Variants in DDAH1 observed in about 807,000 individuals in gnomAD.
The protein encoded by DDAH1 is dimethylarginine dimethylaminohydrolase 1.
DDAH1 carries 19 observed loss-of-function variants against 28.8 expected under a neutral mutation model. The observed-to-expected ratio is 0.66, with a 90% confidence interval of 0.46 to 0.97. The LOEUF (loss-of-function observed/expected upper bound fraction) is 0.97, where lower values mean the gene tolerates loss of function less well. Ranked by LOEUF, DDAH1 falls within the 50% of genes least tolerant of loss-of-function variation. The pLI is 0.00. For synonymous variants in DDAH1, 153 were observed against 154.4 expected, an observed-to-expected ratio of 0.99 and a Z score of 0.07; for missense variants, 326 against 375.9, an observed-to-expected ratio of 0.87 and a Z score of 1.10.
In DDAH1 at chr1:85,464,868, G is replaced by A; in HGVS notation, c.178C>T (p.Leu60=). ...YVGVLGSKLG[L]QVVELPADES... ...TCGGCCGGCAGCTCCACCACCTGCA[G>A]CCCCAGCTTGCTGCCCAGCACGCCC... Residue 60 remains leucine (L), a synonymous_variant, in exon 1 of 6, where the codon CTG becomes TTG. Transcript: ENST00000284031. The surrounding 1 kb of genome is among the most constrained non-coding windows in gnomAD (Gnocchi z 4.4). 6.3e-7 allele frequency: 1 copy of A among 1,584,592 alleles called. No homozygotes were observed. The highest frequency in any genetic ancestry group is 2.3e-5 in the East Asian group (1 of 42,774).
chr1:85,522,446 T>A (rs1163783926), intron 1 of DDAH1, among the ~76,000 whole-genome samples: 2 of 135,822 alleles, frequency 1.5e-5, no homozygotes, highest in African/African-American at 5.6e-5. Context: ...TTCCAAATGC[T>A]AATTCTGCCT....
At chr1:85,426,261 T>C (rs1653391496) in intron 1 of DDAH1, among the ~76,000 whole-genome samples, 1 of 152,238 alleles carries the variant, frequency 6.6e-6, no homozygotes, top group Admixed American at 6.5e-5. Flanking sequence ...GTAGTATCAC[T>C]AGGCCTCAAT....
At chr1:85,454,542 C>T (rs1436272322) in intron 1 of DDAH1, among the ~76,000 whole-genome samples, 1 of 152,172 alleles carries the variant, frequency 6.6e-6, no homozygotes, top group Non-Finnish European at 1.5e-5. Flanking sequence ...AAAGGGGATG[C>T]GGTCGATTTT....
intron 1 of DDAH1, among the ~76,000 whole-genome samples, chr1:85,560,963 T>A (rs913643672): frequency 1.3e-5 from 2 of 152,106 alleles, no homozygotes; most frequent in Non-Finnish European, 2.9e-5. Context: ...AAAATGTATG[T>A]TCTTTGTGTA....
chr1:85,436,567 G>A (rs1653953964), intron 1 of DDAH1, among the ~76,000 whole-genome samples: 1 of 152,198 alleles, frequency 6.6e-6, no homozygotes. Flanking sequence ...AGTCAGAGCT[G>A]GCTCAGGCAC....
intron 1 of DDAH1, among the ~76,000 whole-genome samples, chr1:85,416,182 C>T (rs1306590834): frequency 6.6e-6 from 1 of 152,128 alleles, no homozygotes; most frequent in Non-Finnish European, 1.5e-5. Flanking sequence ...TTCACTCTAA[C>T]AAAGTCTTAT....
intron 4 of DDAH1, among the ~76,000 whole-genome samples, chr1:85,350,112 C>T (rs1277621142): frequency 6.6e-6 from 1 of 152,134 alleles, no homozygotes; most frequent in African/African-American, 2.4e-5. Flanking sequence ...GGTGGCATGC[C>T]CTCCTTTCCC....
chr1:85,376,154 G>T (rs10489511), intron 1 of DDAH1, among the ~76,000 whole-genome samples: 1,977 of 152,228 alleles, frequency 0.013, 44 homozygotes, highest in African/African-American at 0.045. Flanking sequence ...ATGTACAATG[G>T]ATTAAATGCT....
intron 1 of DDAH1, among the ~76,000 whole-genome samples, chr1:85,564,124 A>T (rs2100806886): frequency 1.3e-5 from 2 of 152,306 alleles, no homozygotes; most frequent in South Asian, 4.1e-4. Context: ...GTAAGCTGAG[A>T]TTGCACCATT....
chr1:85,426,934 A>AG (rs1653429154), intron 1 of DDAH1, among the ~76,000 whole-genome samples: 2 of 151,340 alleles, frequency 1.3e-5, no homozygotes, highest in Admixed American at 6.6e-5. Context: ...AAAAAAAAAA[A>AG]AAAAAGGAAA....
At chr1:85,435,633 A>G (rs1653899405) in intron 1 of DDAH1, among the ~76,000 whole-genome samples, 1 of 152,156 alleles carries the variant, frequency 6.6e-6, no homozygotes, top group African/African-American at 2.4e-5. Context: ...GAGTTGTGAA[A>G]TTTTAAATAA....
At chr1:85,412,144 G>T (rs986318892) in intron 1 of DDAH1, among the ~76,000 whole-genome samples, 11 of 152,120 alleles carry the variant, frequency 7.2e-5, no homozygotes, top group African/African-American at 2.7e-4. Context: ...ACATGTGAAA[G>T]GTTTTGTTTT....
chr1:85,391,127 TC>T (rs1212100850), intron 1 of DDAH1, among the ~76,000 whole-genome samples: 1 of 151,912 alleles, frequency 6.6e-6, no homozygotes. Flanking sequence ...CCTGACTTAT[TC>T]TGCTCCCCTC....
Position 85,321,377 on chromosome 1 carries a change from A to G in DDAH1, c.*75T>C. The G allele has an allele frequency of 1.1e-6, 1 of 924,204 alleles. No individual in the cohort carries two copies. The highest frequency in any genetic ancestry group is 1.8e-6 in the Non-Finnish European group (1 of 567,410). 57.3% of individuals were successfully genotyped at this position (924,204 alleles called of 1,614,324 possible). The stretch of plus-strand genomic sequence containing the variant: ...CAGTGGCACAGTAGATTGTCAAGGA[A>G]AACAACAGGAGTGGGCACAGAGTCA... On this transcript the variant is annotated 3_prime_UTR_variant, in exon 6 of 6. Transcript: ENST00000284031.
chr1:85,347,606 G>A (rs1648943707), intron 4 of DDAH1, among the ~76,000 whole-genome samples: 2 of 152,168 alleles, frequency 1.3e-5, no homozygotes, highest in Middle Eastern at 3.4e-3. Context: ...TCACACACCG[G>A]GGCCTGTCGT....
At chr1:85,468,581 G>A (rs552153630), upstream of DDAH1, among the ~76,000 whole-genome samples, 10 of 150,744 alleles carry the variant, frequency 6.6e-5, no homozygotes, top group East Asian at 5.9e-4. Context: ...GTGCAGTGGC[G>A]CAATCTCGGC....
chr1:85,380,858 T>G (rs1404111131), intron 1 of DDAH1, among the ~76,000 whole-genome samples: 3 of 152,196 alleles, frequency 2.0e-5, no homozygotes, highest in South Asian at 2.1e-4. Context: ...GTTGACATAC[T>G]CCGTTTACTT....
chr1:85,390,079 T>C (rs1337295941), intron 1 of DDAH1, among the ~76,000 whole-genome samples: 1 of 152,224 alleles, frequency 6.6e-6, no homozygotes. Flanking sequence ...TGTGGTCGCA[T>C]ATCTTTCTAT....
At chr1:85,324,983 T>G in intron 4 of DDAH1, 100 bp from the exon 5 acceptor site, 1 of 1,389,392 alleles carries the variant, frequency 7.2e-7, no homozygotes, top group African/African-American at 1.4e-5. Flanking sequence ...ACTGACACTT[T>G]AGGCTGTTCC....
Sources: gnomAD v4.1 joint callset for allele counts (sites outside exome capture counted in the v4.1 genomes callset) on GRCh38, gnomAD v4.1.1 for gene constraint, Gnocchi (gnomAD v3.1) non-coding constraint, MANE v1.5 for transcripts, NCBI Gene and HGNC (gene_info 2026-07-23, HGNC 2026-07-21) for gene names.